PPM1E: variants seen among roughly 807,000 people sequenced by gnomAD.
The protein encoded by PPM1E is protein phosphatase 1E.
Under a neutral mutation model 65.9 loss-of-function variants are expected in PPM1E, and 20 were observed. The observed-to-expected ratio is 0.30, with a 90% CI of 0.21 to 0.44. The LOEUF (loss-of-function observed/expected upper bound fraction) is 0.44. PPM1E is among the 20% of genes least tolerant of loss of function. The pLI, the probability that PPM1E is intolerant of heterozygous loss-of-function variation, is 1.00. For missense variants in PPM1E, 713 were observed against 953.1 expected, an observed-to-expected ratio of 0.75 and a Z score of 3.32; for synonymous variants, 352 against 374.9, an observed-to-expected ratio of 0.94 and a Z score of 0.70.
intron 1 of PPM1E, among the ~76,000 whole-genome samples, chr17:58,834,002 G>C (rs944859980): frequency 1.3e-5 from 2 of 152,116 alleles, no homozygotes; most frequent in Admixed American, 1.3e-4. Context: ...TAGTGATGTG[G>C]AGCATTTTTT....
intron 1 of PPM1E, among the ~76,000 whole-genome samples, chr17:58,829,999 A>G (rs1247990945): frequency 1.3e-5 from 2 of 152,058 alleles, no homozygotes; most frequent in Non-Finnish European, 2.9e-5. Flanking sequence ...TGGTCAACAT[A>G]GTAAGACCCT....
At chr17:58,913,756 G>A (rs1171763284) in intron 1 of PPM1E, among the ~76,000 whole-genome samples, 1 of 152,166 alleles carries the variant, frequency 6.6e-6, no homozygotes, top group East Asian at 1.9e-4. Flanking sequence ...AGCTTTACCT[G>A]TCTGGGTGGC....
At chr17:58,890,381 C>T (rs890199151) in intron 1 of PPM1E, among the ~76,000 whole-genome samples, 14 of 151,834 alleles carry the variant, frequency 9.2e-5, no homozygotes, top group African/African-American at 3.1e-4. Context: ...CATAAAAATG[C>T]GAAAAACATA....
chr17:58,933,787 C>T lies in PPM1E; in HGVS notation c.465-21862C>T, dbSNP rs1258984854. ...CTCCAGCCTGGAAGACGAGTGAAAC[C>T]CTATCTCAAAAGAAAAAAAAAAAAA... On this transcript the variant is annotated intron_variant, in intron 1 of 6. Coordinates refer to ENST00000308249, the MANE Select transcript of PPM1E (RefSeq NM_014906.5). Among the ~76,000 whole-genome samples, 4 of 140,150 alleles carry T rather than the reference C, an allele frequency of 2.9e-5. No homozygotes were observed. In the East Asian group the frequency reaches 8.4e-4, roughly 29 times the overall value. The allele number at this position is 140,150 out of a possible 152,430, so 91.9% of individuals were successfully genotyped here.
chr17:58,982,851 AT>A lies in PPM1E; in HGVS notation c.*1821del, dbSNP rs1280181354. On this transcript the variant is annotated 3_prime_UTR_variant, in exon 7 of 7. Transcript: ENST00000308249. ...TTTGCCCCACACATGGTCCTCACTC[AT>A]ATCTGTCACCTTCTGAAGCCTAGAT... is the stretch of plus-strand genomic sequence containing the variant. 42 of 1,506,194 alleles carry A rather than the reference AT, an allele frequency of 2.8e-5. No individual in the cohort carries two copies. Among genetic ancestry groups the A allele is most frequent in the Non-Finnish European group, 3.8e-5 (42 of 1,102,632 alleles). 93.3% of individuals were successfully genotyped at this position (1,506,194 alleles called of 1,614,324 possible).
At chr17:58,833,196 G>C (rs1169952232) in intron 1 of PPM1E, among the ~76,000 whole-genome samples, 2 of 151,414 alleles carry the variant, frequency 1.3e-5, no homozygotes, top group African/African-American at 4.9e-5. Flanking sequence ...TATCACATTT[G>C]GGATATAGAA....
chr17:58,938,787 C>CTTT (rs565049669), intron 1 of PPM1E, among the ~76,000 whole-genome samples: 124 of 125,074 alleles, frequency 9.9e-4, no homozygotes, highest in Non-Finnish European at 1.4e-3. Flanking sequence ...TACACTAATT[C>CTTT]TTTTTTTTTT....
chr17:58,804,704 C>G (rs2050288834), intron 1 of PPM1E, among the ~76,000 whole-genome samples: 1 of 152,050 alleles, frequency 6.6e-6, no homozygotes, highest in South Asian at 2.1e-4. Flanking sequence ...AAAATATACT[C>G]TGTTACAGAA....
intron 2 of PPM1E, among the ~76,000 whole-genome samples, chr17:58,964,913 C>T (rs1484216537): frequency 6.6e-6 from 1 of 151,696 alleles, no homozygotes; most frequent in African/African-American, 2.4e-5. Context: ...GGCATGATGG[C>T]GGGCACCTGT....
At chr17:58,953,069 G>T (rs115417792) in intron 1 of PPM1E, among the ~76,000 whole-genome samples, 4 of 152,102 alleles carry the variant, frequency 2.6e-5, no homozygotes, top group East Asian at 3.9e-4. Flanking sequence ...TCCCTTTCCC[G>T]CTGTAACCCA....
chr17:58,912,015 G>A (rs1288172276), intron 1 of PPM1E, among the ~76,000 whole-genome samples: 4 of 152,136 alleles, frequency 2.6e-5, no homozygotes, highest in East Asian at 3.8e-4. Context: ...TATCCCTAAC[G>A]CAGTCCCTAT....
At position 58,981,410 on chromosome 17, in the gene PPM1E, A is replaced by C. The variant is rs988920768; in HGVS notation, c.*379A>C. On this transcript the variant is annotated 3_prime_UTR_variant, in exon 7 of 7. Coordinates refer to ENST00000308249, the MANE Select transcript of PPM1E (RefSeq NM_014906.5). ...AGTGTTGAAATCTCAATGCAGTTGA[A>C]ATCTGGTCTGATGTGCCTAATTTAT... The C allele has an allele frequency of 1.2e-5, 2 of 166,674 alleles. No homozygotes were observed. The highest frequency in any genetic ancestry group is 3.5e-4 in the East Asian group (2 of 5,784). The allele number at this position is 166,674 out of a possible 1,614,324, so 10.3% of individuals were successfully genotyped here.
chr17:58,908,930 A>G lies in PPM1E; in HGVS notation c.465-46719A>G, dbSNP rs144150173. Among the ~76,000 whole-genome samples, 160 of 152,312 alleles carry G rather than the reference A, an allele frequency of 1.1e-3. 1 individual carries two copies. Among genetic ancestry groups the G allele is most frequent in the Middle Eastern group, 0.01 (3 of 294 alleles). ...TTATTTATTTTACCTATATATAAAC[A>G]TATTCTTAAGCATATGGATATATAT... On this transcript the variant is annotated intron_variant, in intron 1 of 6. Coordinates refer to ENST00000308249, the MANE Select transcript of PPM1E (RefSeq NM_014906.5).
intron 1 of PPM1E, among the ~76,000 whole-genome samples, chr17:58,839,686 C>A (rs2050698147): frequency 6.6e-6 from 1 of 151,968 alleles, no homozygotes; most frequent in African/African-American, 2.4e-5. Context: ...TGTACACTAA[C>A]ATTGACCAAG....
chr17:58,937,900 G>GAAAGA (rs2052007339), intron 1 of PPM1E, among the ~76,000 whole-genome samples: 1 of 124,906 alleles, frequency 8.0e-6, no homozygotes, highest in Non-Finnish European at 1.7e-5. Context: ...AAAAAAGAAA[G>GAAAGA]AAAGAAAAGA....
chr17:58,789,153 T>C (rs985175478), intron 1 of PPM1E, among the ~76,000 whole-genome samples: 5 of 150,504 alleles, frequency 3.3e-5, no homozygotes, highest in African/African-American at 4.9e-5. Flanking sequence ...AGTTTGTTTA[T>C]ACTGACTTCT....
chr17:58,871,466 T>A (rs1020684215), intron 1 of PPM1E, among the ~76,000 whole-genome samples: 1 of 152,172 alleles, frequency 6.6e-6, no homozygotes, highest in African/African-American at 2.4e-5. Context: ...GTGTCTCTCA[T>A]CTTTGGGACT....
chr17:58,755,990 G>A lies in PPM1E; in HGVS notation c.-8G>A, dbSNP rs2049754855. Reference sequence around the variant, plus strand: ...CCTTTCCCGGTCTGCCCTGGGGCATGAGCAGCGATGGCCGGCTGCATCCCT... The same window carrying A: ...CCTTTCCCGGTCTGCCCTGGGGCATAAGCAGCGATGGCCGGCTGCATCCCT... On this transcript the variant is annotated 5_prime_UTR_variant, in exon 1 of 7. It removes an upstream start codon present in the reference 5' UTR. Coordinates refer to ENST00000308249, the MANE Select transcript of PPM1E (RefSeq NM_014906.5). 2 of 1,613,810 alleles carry A rather than the reference G, an allele frequency of 1.2e-6. No homozygotes were observed. The highest frequency in any genetic ancestry group is 3.3e-5 in the Admixed American group (2 of 60,002).
At chr17:58,969,796 A>G in intron 4 of PPM1E, 69 bp downstream of exon 4, 1 of 1,433,302 alleles carries the variant, frequency 7.0e-7, no homozygotes, top group Admixed American at 1.9e-5. Flanking sequence ...TGTGTGGTTA[A>G]AGGGCTATTT....
Sources: gnomAD v4.1 joint callset for allele counts (sites outside exome capture counted in the v4.1 genomes callset) on GRCh38, gnomAD v4.1.1 for gene constraint, MANE v1.5 for transcripts, NCBI Gene and HGNC (gene_info 2026-07-23, HGNC 2026-07-21) for gene names.